The following EPHA5 variants were observed in gnomAD, a reference collection of about 807,000 sequenced individuals.
The protein encoded by EPHA5 is EPH receptor A5.
In EPHA5, 60 loss-of-function variants were observed where a neutral mutation model predicts 105.0. That is an observed-to-expected ratio of 0.57 (90% CI 0.46 to 0.71). EPHA5 has a LOEUF of 0.71. Among genes scored for constraint, EPHA5 ranks in the 30% least tolerant of loss-of-function variants. The pLI is 0.00. For synonymous variants in EPHA5, 513 were observed against 449.1 expected (o/e 1.14, Z -1.80); for missense variants, 1,218 against 1,274.7 (o/e 0.96, Z 0.68).
rs373869629 is a variant in EPHA5 at position 65,580,975 on chromosome 4, C to T, written c.910+20666G>A. Among the ~76,000 whole-genome samples the T allele has an allele frequency of 8.6e-5, 13 of 151,806 alleles. No homozygotes were observed. In the East Asian group the frequency reaches 2.3e-3, roughly 27 times the overall value. On this transcript the variant is annotated intron_variant, in intron 3 of 16. Transcript: ENST00000613740. The stretch of plus-strand genomic sequence containing the variant: ...TGTAGTGTAATTCAGGTTTTCTTTC[C>T]AGTTTAAAAATTTCTATCCATTGCC...
chr4:65,506,194 G>T lies in EPHA5; in HGVS notation c.911-10651C>A, dbSNP rs967503084. On this transcript the variant is annotated intron_variant, in intron 3 of 16. Coordinates refer to ENST00000613740, the MANE Select transcript of EPHA5 (RefSeq NM_001281766.3). ...GGACATGAACTCATCCTTTTTTATG[G>T]CTGCATAGTATTCCATGGTGTATAT... is the stretch of plus-strand genomic sequence containing the variant. Among the ~76,000 whole-genome samples, 3 of 151,986 alleles carry T rather than the reference G, an allele frequency of 2.0e-5. No individual in the cohort carries two copies. In the East Asian group the frequency reaches 5.8e-4, roughly 29 times the overall value.
At chr4:65,505,688 T>A (rs953347642) in intron 3 of EPHA5, among the ~76,000 whole-genome samples, 3 of 152,072 alleles carry the variant, frequency 2.0e-5, no homozygotes, top group African/African-American at 7.2e-5. Flanking sequence ...CAACATATTT[T>A]CATGGGTTAA....
At chr4:65,543,644 T>A (rs564988104) in intron 3 of EPHA5, among the ~76,000 whole-genome samples, 2 of 152,182 alleles carry the variant, frequency 1.3e-5, no homozygotes, top group South Asian at 4.1e-4. Flanking sequence ...ATGGTCATAC[T>A]GCCCAAAGTA....
chr4:65,353,705 T>C (rs1315688073), intron 11 of EPHA5, among the ~76,000 whole-genome samples: 1 of 151,822 alleles, frequency 6.6e-6, no homozygotes, highest in Non-Finnish European at 1.5e-5. Flanking sequence ...AAATAAAAAC[T>C]CCATCCTATC....
chr4:65,379,833 G>A (rs1168956154), intron 8 of EPHA5, among the ~76,000 whole-genome samples: 5 of 151,570 alleles, frequency 3.3e-5, no homozygotes, highest in East Asian at 3.9e-4. Flanking sequence ...CACGAAATAC[G>A]TTTTCTAAGG....
intron 8 of EPHA5, among the ~76,000 whole-genome samples, chr4:65,368,428 A>T (rs1378177896): frequency 1.3e-5 from 2 of 152,150 alleles, no homozygotes; most frequent in African/African-American, 4.8e-5. Context: ...TTTTCCTGTT[A>T]ATAACTCCAG....
At chr4:65,612,091 C>A (rs1333487122) in intron 2 of EPHA5, among the ~76,000 whole-genome samples, 1 of 149,854 alleles carries the variant, frequency 6.7e-6, no homozygotes, top group East Asian at 1.9e-4. Context: ...CATCTACTGT[C>A]AGTACGTTGT....
At chr4:65,394,892 T>C (rs969443134) in intron 8 of EPHA5, among the ~76,000 whole-genome samples, 1 of 152,144 alleles carries the variant, frequency 6.6e-6, no homozygotes, top group Admixed American at 6.5e-5. Flanking sequence ...GCAAAGAAGC[T>C]TCTCTGCAGG....
intron 3 of EPHA5, among the ~76,000 whole-genome samples, chr4:65,550,031 C>A (rs1171113234): frequency 6.6e-6 from 1 of 151,974 alleles, no homozygotes; most frequent in African/African-American, 2.4e-5. Context: ...TAAATGACAT[C>A]ATGTTAAAAC....
In EPHA5 at chr4:65,436,871, A is replaced by C. The variant is rs1225865212; in HGVS notation, c.1403-16306T>G. On this transcript the variant is annotated intron_variant, in intron 5 of 16. Coordinates refer to ENST00000613740, the MANE Select transcript of EPHA5 (RefSeq NM_001281766.3). ...TTTTTCCCCCCTTTATTTAGCACTC[A>C]TTTGATTGTTATTTTTATGCCCTCT... Among the ~76,000 whole-genome samples, 3 of 151,922 alleles carry C rather than the reference A, an allele frequency of 2.0e-5. No homozygotes were observed. In the East Asian group the frequency reaches 5.8e-4, roughly 29 times the overall value.
rs34861369 is a variant in EPHA5 at position 65,620,108 on chromosome 4, G to GTATATA, written c.247-17810_247-17805dup. On this transcript the variant is annotated intron_variant, in intron 2 of 16. Transcript: ENST00000613740. The stretch of plus-strand genomic sequence containing the variant: ...AGATCTACAGAATATTTGGACTCAG[G>GTATATA]TATATATATATATATATATATTAAA... 9.7e-3 allele frequency among the ~76,000 whole-genome samples: 1,338 copies of GTATATA among 137,328 alleles called. 9 individuals are homozygous for GTATATA. Among genetic ancestry groups the GTATATA allele is most frequent in the African/African-American group, 0.02 (738 of 37,112 alleles). 90.1% of individuals were successfully genotyped at this position (137,328 alleles called of 152,430 possible).
chr4:65,505,889 G>T (rs567543264), intron 3 of EPHA5, among the ~76,000 whole-genome samples: 11 of 152,204 alleles, frequency 7.2e-5, no homozygotes, highest in South Asian at 2.1e-4. Flanking sequence ...TAGGGTACAT[G>T]TGCACAACGT....
intron 3 of EPHA5, among the ~76,000 whole-genome samples, chr4:65,592,213 T>G (rs917337240): frequency 1.3e-5 from 2 of 152,192 alleles, no homozygotes; most frequent in African/African-American, 4.8e-5. Flanking sequence ...TGTTATGTTT[T>G]GTTTTAACAC....
At chr4:65,658,542 A>G (rs1749265174) in intron 1 of EPHA5, among the ~76,000 whole-genome samples, 1 of 152,086 alleles carries the variant, frequency 6.6e-6, no homozygotes, top group Admixed American at 6.6e-5. Context: ...GCCAACCCAC[A>G]CTGTTTTAAT....
intron 7 of EPHA5, among the ~76,000 whole-genome samples, chr4:65,409,322 C>G (rs1183786243): frequency 2.3e-5 from 1 of 44,250 alleles, no homozygotes; most frequent in South Asian, 1.1e-3. Flanking sequence ...CACATGTACC[C>G]TAAAACTTAA....
chr4:65,476,117 A>AGTGTGT (rs1293931481), intron 5 of EPHA5, among the ~76,000 whole-genome samples: 2,904 of 127,600 alleles, frequency 0.023, 42 homozygotes, highest in Admixed American at 0.025. Context: ...AGAGAGAGAG[A>AGTGTGT]GAGAGAGAGA....
chr4:65,637,206 T>C (rs1258644443), intron 2 of EPHA5, among the ~76,000 whole-genome samples: 3 of 141,610 alleles, frequency 2.1e-5, no homozygotes, highest in African/African-American at 7.8e-5. Flanking sequence ...AAAGAAACCA[T>C]GCCAGCATGC....
chr4:65,497,392 T>C (rs1460150018), intron 3 of EPHA5, among the ~76,000 whole-genome samples: 1 of 152,152 alleles, frequency 6.6e-6, no homozygotes, highest in East Asian at 1.9e-4. Context: ...CTTAATGCTC[T>C]TATAAATTCT....
chr4:65,477,656 C>G (rs1371833633), intron 5 of EPHA5, among the ~76,000 whole-genome samples: 1 of 151,968 alleles, frequency 6.6e-6, no homozygotes, highest in Non-Finnish European at 1.5e-5. Flanking sequence ...TCATGATCAC[C>G]CCTGCCTCGG....
Sources: allele counts gnomAD v4.1 joint callset (sites outside exome capture counted in the v4.1 genomes callset), GRCh38; gene constraint gnomAD v4.1.1; transcripts MANE v1.5; gene names NCBI Gene and HGNC (gene_info 2026-07-23, HGNC 2026-07-21).